LHFPL3: variants seen among roughly 807,000 people sequenced by gnomAD.
LHFPL3 encodes the protein LHFPL tetraspan subfamily member 3.
In LHFPL3, 5 loss-of-function variants were observed where a neutral mutation model predicts 19.3. The ratio of observed to expected loss-of-function variants is 0.26; its 90% CI spans 0.14 to 0.54. LHFPL3 has a LOEUF of 0.54. Ranked by LOEUF, LHFPL3 falls within the 20% of genes least tolerant of loss-of-function variation. The probability of loss-of-function intolerance (pLI) is 0.94; values close to 1 mark genes in which losing one functional copy is unlikely to be tolerated. For synonymous variants in LHFPL3, 133 were observed against 126.2 expected, an observed-to-expected ratio of 1.05 and a Z score of -0.36; for missense variants, 249 against 307.4, an observed-to-expected ratio of 0.81 and a Z score of 1.42.
At chr7:104,652,910 T>G (rs1459479174) in intron 1 of LHFPL3, among the ~76,000 whole-genome samples, 1 of 151,888 alleles carries the variant, frequency 6.6e-6, no homozygotes, top group East Asian at 1.9e-4. Context: ...AGTGGAAAAT[T>G]ACAAAAATCA....
intron 2 of LHFPL3, among the ~76,000 whole-genome samples, chr7:104,816,458 G>C (rs887958807): frequency 6.6e-6 from 1 of 152,204 alleles, no homozygotes; most frequent in African/African-American, 2.4e-5. Flanking sequence ...CAAAGCATAA[G>C]TGTGAGCTCT....
intron 1 of LHFPL3, among the ~76,000 whole-genome samples, chr7:104,442,022 G>C (rs1216041537): frequency 6.6e-6 from 1 of 151,954 alleles, no homozygotes; most frequent in Non-Finnish European, 1.5e-5. Flanking sequence ...CAGTGTGCAA[G>C]GGTTTCAATT....
chr7:104,428,124 T>C (rs1228117259), intron 1 of LHFPL3, among the ~76,000 whole-genome samples: 1 of 152,192 alleles, frequency 6.6e-6, no homozygotes, highest in Admixed American at 6.5e-5. Context: ...TAGAACATAT[T>C]CAAATTATGC....
At chr7:104,496,126 C>T (rs372177936) in intron 1 of LHFPL3, among the ~76,000 whole-genome samples, 3 of 152,258 alleles carry the variant, frequency 2.0e-5, no homozygotes, top group African/African-American at 2.4e-5. Context: ...TCCTTCCCCC[C>T]ACCCCACAAT....
intron 1 of LHFPL3, among the ~76,000 whole-genome samples, chr7:104,428,481 A>G (rs1386145627): frequency 2.0e-5 from 3 of 151,986 alleles, no homozygotes; most frequent in African/African-American, 7.3e-5. Flanking sequence ...CCAATATATA[A>G]CTATGTGTAG....
In LHFPL3 at chr7:104,610,557, G is replaced by C. The variant is rs562494266; in HGVS notation, c.446-126118G>C. ...GGGTCCACAGGCTTGAGAACCAGGAGAGCCACTAGTGTAACTTCCAGTTCA... is the reference window on the plus strand; with the variant it reads ...GGGTCCACAGGCTTGAGAACCAGGACAGCCACTAGTGTAACTTCCAGTTCA... On this transcript the variant is annotated intron_variant, in intron 1 of 2. Transcript: ENST00000424859. Among the ~76,000 whole-genome samples the C allele has an allele frequency of 2.1e-3, 320 of 152,252 alleles. 3 individuals carry two copies. Among genetic ancestry groups the C allele is most frequent in the African/African-American group, 7.1e-3 (294 of 41,548 alleles).
chr7:104,343,494 C>A (rs1789997870), intron 1 of LHFPL3, among the ~76,000 whole-genome samples: 2 of 104,924 alleles, frequency 1.9e-5, no homozygotes, highest in East Asian at 2.6e-4. Flanking sequence ...GCCTGGGCAA[C>A]AGAGTGAGAC....
chr7:104,412,203 T>C (rs936695544), intron 1 of LHFPL3, among the ~76,000 whole-genome samples: 1 of 150,228 alleles, frequency 6.7e-6, no homozygotes, highest in Non-Finnish European at 1.5e-5. Flanking sequence ...GTATACCGTA[T>C]TGTTCATTTA....
intron 1 of LHFPL3, among the ~76,000 whole-genome samples, chr7:104,334,096 T>A (rs905728729): frequency 2.6e-5 from 4 of 152,340 alleles, no homozygotes; most frequent in Admixed American, 2.6e-4. Context: ...TTGGGTATGG[T>A]TGCTGTTGTT....
intron 2 of LHFPL3, among the ~76,000 whole-genome samples, chr7:104,904,024 GTTGA>G (rs1562831369): frequency 6.6e-6 from 1 of 152,158 alleles, no homozygotes; most frequent in East Asian, 1.9e-4. Flanking sequence ...TTCCACAGTG[GTTGA>G]TTGTTTTGCT....
rs145822103 is a variant in LHFPL3 at position 104,497,288 on chromosome 7, G to A, written c.445+168064G>A. 5.2e-4 allele frequency among the ~76,000 whole-genome samples: 56 copies of A among 107,580 alleles called. No individual in the cohort carries two copies. In the East Asian group the frequency reaches 0.012, roughly 23 times the overall value. 70.6% of individuals were successfully genotyped at this position (107,580 alleles called of 152,430 possible). ...GAAGATTCATATGTACTCCTGAACCGAAAATAAAAGTTGAGAAAAGGAAAA... is the reference window on the plus strand; with the variant it reads ...GAAGATTCATATGTACTCCTGAACCAAAAATAAAAGTTGAGAAAAGGAAAA... On this transcript the variant is annotated intron_variant, in intron 1 of 2. Coordinates refer to ENST00000424859, the MANE Select transcript of LHFPL3 (RefSeq NM_199000.3).
At chr7:104,419,968 AAACAACAAC>A (rs113611808) in intron 1 of LHFPL3, among the ~76,000 whole-genome samples, 1 of 152,018 alleles carries the variant, frequency 6.6e-6, no homozygotes, top group Non-Finnish European at 1.5e-5. Flanking sequence ...ACAAACAAAC[AAACAACAAC>A]AACAACAACA....
At chr7:104,421,549 A>C (rs1791733650) in intron 1 of LHFPL3, among the ~76,000 whole-genome samples, 1 of 152,222 alleles carries the variant, frequency 6.6e-6, no homozygotes, top group South Asian at 2.1e-4. Context: ...AGCATCTTGA[A>C]CTGGAGGAAA....
chr7:104,756,034 A>C (rs1396462839), intron 2 of LHFPL3, among the ~76,000 whole-genome samples: 1 of 152,146 alleles, frequency 6.6e-6, no homozygotes, highest in African/African-American at 2.4e-5. Flanking sequence ...ACTAAGGATA[A>C]ATAAGTCTTG....
intron 2 of LHFPL3, among the ~76,000 whole-genome samples, chr7:104,867,812 C>T (rs1368172708): frequency 3.3e-5 from 5 of 152,210 alleles, no homozygotes; most frequent in Admixed American, 6.5e-5. Context: ...TGATGAACAT[C>T]GATGAAAAAA....
At chr7:104,534,871 TGTA>T (rs1388514442) in intron 1 of LHFPL3, among the ~76,000 whole-genome samples, 6 of 152,216 alleles carry the variant, frequency 3.9e-5, no homozygotes, top group Non-Finnish European at 7.3e-5. Flanking sequence ...TTTCTTAAAT[TGTA>T]GTATTTCTTC....
intron 1 of LHFPL3, among the ~76,000 whole-genome samples, chr7:104,649,986 A>G (rs1792001340): frequency 1.3e-5 from 2 of 152,198 alleles, no homozygotes; most frequent in Non-Finnish European, 2.9e-5. Context: ...AGCTTCCATC[A>G]GCCCATTGCA....
At chr7:104,562,761 C>T (rs997171471) in intron 1 of LHFPL3, among the ~76,000 whole-genome samples, 4 of 151,814 alleles carry the variant, frequency 2.6e-5, no homozygotes, top group South Asian at 4.2e-4. Context: ...AGGCACTCTG[C>T]TTTTTAGAGT....
chr7:104,812,403 A>G (rs558869147), intron 2 of LHFPL3, among the ~76,000 whole-genome samples: 31 of 152,348 alleles, frequency 2.0e-4, no homozygotes, highest in African/African-American at 7.2e-4. Context: ...ACATGGATGA[A>G]CCTTACAATG....
Sources: gnomAD v4.1 joint callset for allele counts (sites outside exome capture counted in the v4.1 genomes callset) on GRCh38, gnomAD v4.1.1 for gene constraint, MANE v1.5 for transcripts, NCBI Gene and HGNC (gene_info 2026-07-23, HGNC 2026-07-21) for gene names.